Variants in AUTS2 observed in about 807,000 individuals in gnomAD.
AUTS2 encodes activator of transcription and developmental regulator AUTS2.
AUTS2 carries 17 observed loss-of-function variants against 112.4 expected under a neutral mutation model. That is an observed-to-expected ratio of 0.15 (90% CI 0.10 to 0.23). AUTS2 has a LOEUF of 0.23. AUTS2 is among the 10% of genes least tolerant of loss of function. The pLI, the probability that AUTS2 is intolerant of heterozygous loss-of-function variation, is 1.00. For synonymous variants in AUTS2, 751 were observed against 702.7 expected (o/e 1.07, Z -1.09); for missense variants, 1,510 against 1,701.6 (o/e 0.89, Z 1.98).
chr7:69,670,927 G>C (rs979264359), intron 1 of AUTS2, among the ~76,000 whole-genome samples: 6 of 152,122 alleles, frequency 3.9e-5, no homozygotes, highest in Non-Finnish European at 8.8e-5. Flanking sequence ...CTTGAGTTTC[G>C]AGTTAGGAAT....
intron 4 of AUTS2, among the ~76,000 whole-genome samples, chr7:70,219,120 CCTT>C (rs1435988337): frequency 6.6e-6 from 1 of 152,158 alleles, no homozygotes; most frequent in African/African-American, 2.4e-5. Context: ...GTATTTTTCT[CCTT>C]CTGGAGAGAG....
At chr7:70,411,067 G>T (rs1195013832) in intron 4 of AUTS2, among the ~76,000 whole-genome samples, 1 of 152,078 alleles carries the variant, frequency 6.6e-6, no homozygotes. Context: ...GTTTCACCAT[G>T]TTGGGCAGGC....
intron 6 of AUTS2, among the ~76,000 whole-genome samples, chr7:70,731,885 G>C (rs912009849): frequency 6.6e-6 from 1 of 151,940 alleles, no homozygotes; most frequent in African/African-American, 2.4e-5. Flanking sequence ...TTATGTCTAA[G>C]TAATTCACTG....
At chr7:69,805,961 C>T (rs1790283848) in intron 1 of AUTS2, among the ~76,000 whole-genome samples, 1 of 151,750 alleles carries the variant, frequency 6.6e-6, no homozygotes, top group South Asian at 2.1e-4. Context: ...TGCAGTGGCG[C>T]GTTCATAGCT....
At chr7:69,775,527 T>TTATG (rs1388192686) in intron 1 of AUTS2, among the ~76,000 whole-genome samples, 2 of 152,188 alleles carry the variant, frequency 1.3e-5, no homozygotes, top group African/African-American at 4.8e-5. Context: ...TCAGGTCACC[T>TTATG]TATGTTCTTA....
At chr7:70,475,324 C>G (rs896226244) in intron 5 of AUTS2, among the ~76,000 whole-genome samples, 1 of 152,212 alleles carries the variant, frequency 6.6e-6, no homozygotes, top group Non-Finnish European at 1.5e-5. Flanking sequence ...CTCAAGTCCT[C>G]CTTCTATAAT....
At chr7:70,377,788 T>G (rs547875244) in intron 4 of AUTS2, among the ~76,000 whole-genome samples, 18 of 151,636 alleles carry the variant, frequency 1.2e-4, no homozygotes, top group South Asian at 1.0e-3. Flanking sequence ...TTTTTTTTTT[T>G]TGTGACAGAG....
intron 6 of AUTS2, among the ~76,000 whole-genome samples, chr7:70,752,024 CTGCATACACTGGTT>C (rs1788895126): frequency 2.7e-5 from 4 of 150,802 alleles, no homozygotes; most frequent in Admixed American, 1.3e-4. Context: ...CACGCCTGGC[CTGCATACACTGGTT>C]TTAAGGGTGG....
At chr7:70,099,068 A>G (rs1236652669) in intron 2 of AUTS2, among the ~76,000 whole-genome samples, 1 of 152,064 alleles carries the variant, frequency 6.6e-6, no homozygotes. Context: ...TGGTCCTTGA[A>G]AATTCCTGCC....
In AUTS2 at chr7:70,445,282, T is replaced by A. The variant is rs897641710; in HGVS notation, c.690+9501T>A. ...TTAGGATTCCAGAATCTGGGCCCTCTTCCCATGCCGTGCTGCTTCCCCGTA... is the reference window on the plus strand; with the variant it reads ...TTAGGATTCCAGAATCTGGGCCCTCATCCCATGCCGTGCTGCTTCCCCGTA... On this transcript the variant is annotated intron_variant, in intron 5 of 18. Coordinates refer to ENST00000342771, the MANE Select transcript of AUTS2 (RefSeq NM_015570.4). Among the ~76,000 whole-genome samples the A allele has an allele frequency of 3.3e-5, 5 of 152,150 alleles. No homozygotes were observed. The East Asian group carries it at 9.6e-4, about 29-fold the overall frequency.
chr7:70,541,218 C>A (rs1158894161), intron 5 of AUTS2, among the ~76,000 whole-genome samples: 1 of 152,136 alleles, frequency 6.6e-6, no homozygotes, highest in Non-Finnish European at 1.5e-5. Context: ...CTTCTAATTG[C>A]CTTCTTCTAG....
intron 2 of AUTS2, among the ~76,000 whole-genome samples, chr7:70,033,679 T>A (rs1330204278): frequency 6.6e-6 from 1 of 152,176 alleles, no homozygotes; most frequent in Non-Finnish European, 1.5e-5. Flanking sequence ...AAGAATCTTC[T>A]GCATTATATC....
At chr7:69,892,167 AG>A (rs1168961641) in intron 1 of AUTS2, among the ~76,000 whole-genome samples, 14 of 129,098 alleles carry the variant, frequency 1.1e-4, no homozygotes, top group African/African-American at 4.2e-4. Flanking sequence ...TTTAGTTTTG[AG>A]AATTTTTTTT....
chr7:70,036,812 G>A (rs1449434032), intron 2 of AUTS2, among the ~76,000 whole-genome samples: 2 of 152,164 alleles, frequency 1.3e-5, no homozygotes, highest in African/African-American at 4.8e-5. Context: ...TAATTCTTTT[G>A]CCAATCAGTT....
chr7:70,234,683 T>G (rs1433854685), intron 4 of AUTS2, among the ~76,000 whole-genome samples: 1 of 152,188 alleles, frequency 6.6e-6, no homozygotes, highest in African/African-American at 2.4e-5. Flanking sequence ...CACCCCAATT[T>G]GTATTTGGCT....
In AUTS2 at chr7:70,363,359, A is replaced by G. The variant is rs1388352371; in HGVS notation, c.661-72393A>G. Among the ~76,000 whole-genome samples the G allele has an allele frequency of 9.8e-5, 14 of 142,266 alleles. 2 individuals carry two copies. Among genetic ancestry groups the G allele is most frequent in the African/African-American group, 4.3e-4 (14 of 32,188 alleles). The allele number at this position is 142,266 out of a possible 152,430, so 93.3% of individuals were successfully genotyped here. A position where few individuals can be genotyped will look rare whatever the true frequency, so the allele number is the denominator to read the frequency against. ...CTATTGATATACCTAATGCTAGATG[A>G]CACATTGGTGGGTGCAGCGCACCAG... On this transcript the variant is annotated intron_variant, in intron 4 of 18. Transcript: ENST00000342771.
intron 1 of AUTS2, among the ~76,000 whole-genome samples, chr7:69,709,805 C>A (rs1301065555): frequency 6.6e-6 from 1 of 152,058 alleles, no homozygotes; most frequent in African/African-American, 2.4e-5. Context: ...AGGCAAAATG[C>A]CCTCCCTGTT....
At chr7:70,321,831 C>T (rs1209617870) in intron 4 of AUTS2, among the ~76,000 whole-genome samples, 8 of 152,042 alleles carry the variant, frequency 5.3e-5, no homozygotes, top group East Asian at 3.9e-4. Context: ...CCTCCCGCCC[C>T]GAGAATAGTA....
chr7:70,776,110 A>G (rs1282936764), intron 13 of AUTS2, among the ~76,000 whole-genome samples: 4 of 152,232 alleles, frequency 2.6e-5, no homozygotes, highest in African/African-American at 7.2e-5. Context: ...CAAACTACCC[A>G]TAATTTCATT....
Sources: gnomAD v4.1 joint callset for allele counts (sites outside exome capture counted in the v4.1 genomes callset) on GRCh38, gnomAD v4.1.1 for gene constraint, MANE v1.5 for transcripts, NCBI Gene and HGNC (gene_info 2026-07-23, HGNC 2026-07-21) for gene names.